UGGT2: variants seen among roughly 807,000 people sequenced by gnomAD.
UGGT2 encodes the protein UDP-glucose:glycoprotein glucosyltransferase 2.
In UGGT2, 180 loss-of-function variants were observed where a neutral mutation model predicts 192.1. The ratio of observed to expected loss-of-function variants is 0.94; its 90% CI spans 0.83 to 1.06. UGGT2 has a LOEUF of 1.06. Ranked by LOEUF, UGGT2 falls within the 50% of genes least tolerant of loss-of-function variation. The probability of loss-of-function intolerance (pLI) is 0.00; values close to 1 mark genes in which losing one functional copy is unlikely to be tolerated. For missense variants in UGGT2, 1,849 were observed against 1,795.7 expected, an observed-to-expected ratio of 1.03 and a Z score of -0.54; for synonymous variants, 580 against 591.0, an observed-to-expected ratio of 0.98 and a Z score of 0.27.
intron 7 of UGGT2, among the ~76,000 whole-genome samples, chr13:95,994,103 T>C (rs1363344239): frequency 3.3e-5 from 5 of 152,138 alleles, no homozygotes; most frequent in African/African-American, 1.2e-4. Context: ...AAAGGTCCAA[T>C]ATTATCAATG....
chr13:95,859,476 T>C (rs895333559), intron 33 of UGGT2, 115 bp downstream of exon 33: 45 of 843,428 alleles, frequency 5.3e-5, no homozygotes, highest in Non-Finnish European at 7.3e-5. Context: ...AAATACTAAA[T>C]ACCATTTTTT....
intron 1 of UGGT2, among the ~76,000 whole-genome samples, chr13:96,052,291 A>G (rs2053507936): frequency 6.6e-6 from 1 of 152,184 alleles, no homozygotes; most frequent in African/African-American, 2.4e-5. Flanking sequence ...CATAAGATTG[A>G]CACAATGGAC....
At chr13:95,992,163 C>A (rs900153332) in intron 7 of UGGT2, among the ~76,000 whole-genome samples, 1 of 151,680 alleles carries the variant, frequency 6.6e-6, no homozygotes, top group Non-Finnish European at 1.5e-5. Context: ...AGCTAGACTC[C>A]GTCTCAAAGA....
intron 4 of UGGT2, among the ~76,000 whole-genome samples, chr13:96,016,129 A>G (rs1366497068): frequency 2.0e-5 from 3 of 152,216 alleles, no homozygotes; most frequent in Non-Finnish European, 4.4e-5. Flanking sequence ...CTAACAACAT[A>G]TGTTCAGATG....
At chr13:95,907,371 A>G (rs2048326348) in intron 20 of UGGT2, among the ~76,000 whole-genome samples, 1 of 152,222 alleles carries the variant, frequency 6.6e-6, no homozygotes, top group Non-Finnish European at 1.5e-5. Flanking sequence ...TGCAGACTTA[A>G]ACGTCCTTGT....
chr13:95,971,469 T>A lies in UGGT2; in HGVS notation c.1184+1111A>T, dbSNP rs539008093. 2.0e-5 allele frequency among the ~76,000 whole-genome samples: 3 copies of A among 152,302 alleles called. No homozygotes were observed. The East Asian group carries it at 5.8e-4, about 29-fold the overall frequency. On this transcript the variant is annotated intron_variant, in intron 11 of 38. Coordinates refer to ENST00000376747, the MANE Select transcript of UGGT2 (RefSeq NM_020121.4). Reference sequence around the variant, plus strand: ...TAGCACACATCCTGCAAATCACTAATGACCAGGTGTAGGAGCTGGGGGGTT... The same window carrying A: ...TAGCACACATCCTGCAAATCACTAAAGACCAGGTGTAGGAGCTGGGGGGTT...
At chr13:95,836,804 G>T (rs1320720552) in intron 37 of UGGT2, among the ~76,000 whole-genome samples, 2 of 149,860 alleles carry the variant, frequency 1.3e-5, no homozygotes, top group African/African-American at 4.9e-5. Context: ...TTTTCCCTTT[G>T]CTGACTTTGC....
chr13:96,022,143 T>C (rs961131478), intron 4 of UGGT2, among the ~76,000 whole-genome samples: 1 of 151,948 alleles, frequency 6.6e-6, no homozygotes, highest in Non-Finnish European at 1.5e-5. Flanking sequence ...CAAAGAGCTA[T>C]GAAATAGACC....
chr13:95,802,303 C>G (rs1884097931), intron 38 of UGGT2, among the ~76,000 whole-genome samples: 2 of 152,316 alleles, frequency 1.3e-5, no homozygotes, highest in South Asian at 4.1e-4. Context: ...ATGAGACTCT[C>G]AGAGAACAAA....
intron 22 of UGGT2, among the ~76,000 whole-genome samples, chr13:95,897,699 T>C (rs2047986048): frequency 6.6e-6 from 1 of 152,212 alleles, no homozygotes; most frequent in Admixed American, 6.5e-5. Context: ...AAGCTAAGTA[T>C]TACATTATCG....
chr13:96,011,861 CAATA>C (rs1352436776), intron 5 of UGGT2, among the ~76,000 whole-genome samples: 2 of 151,944 alleles, frequency 1.3e-5, no homozygotes, highest in African/African-American at 4.8e-5. Flanking sequence ...AGGCAAAGCT[CAATA>C]TATATGAAGA....
intron 36 of UGGT2, among the ~76,000 whole-genome samples, chr13:95,845,823 G>A: frequency 6.6e-6 from 1 of 151,626 alleles, no homozygotes; most frequent in East Asian, 2.0e-4. Flanking sequence ...CAGACGGGGT[G>A]GCGGGGTGGC....
At chr13:95,965,248 C>A (rs61972935) in intron 12 of UGGT2, among the ~76,000 whole-genome samples, 1 of 150,456 alleles carries the variant, frequency 6.6e-6, no homozygotes, top group Non-Finnish European at 1.5e-5. Context: ...TGGGTATATA[C>A]CCAAAGGACT....
chr13:96,044,838 A>T (rs145905828), intron 1 of UGGT2, among the ~76,000 whole-genome samples: 3 of 152,294 alleles, frequency 2.0e-5, no homozygotes, highest in African/African-American at 7.2e-5. Context: ...GTAAGCAGCG[A>T]GATTAAAATT....
intron 34 of UGGT2, 141 bp from the exon 35 acceptor site, chr13:95,854,616 T>C (rs570979716): frequency 2.4e-4 from 158 of 663,668 alleles, no homozygotes; most frequent in Non-Finnish European, 3.4e-4. Flanking sequence ...GTAATATGAA[T>C]TTACTGAATT....
intron 8 of UGGT2, chr13:95,989,634 T>C (rs1328847209): frequency 5.8e-6 from 2 of 346,700 alleles, no homozygotes; most frequent in Admixed American, 6.4e-5. Flanking sequence ...AGATTAAGTT[T>C]CATTTTCTCC....
chr13:95,947,142 A>G lies in UGGT2; in HGVS notation c.1572T>C (p.Asp524=). ...RIGFVFILNT[D]DEVDGANDAG... is the part of the protein sequence containing the mutation. ...CATCATTTGCTCCATCAACTTCATC[A>G]TCTGTATTAAGAATGAACACAAAAC... is the stretch of plus-strand genomic sequence containing the variant. Residue 524 remains aspartate, a synonymous_variant, in exon 15 of 39, where the codon GAT becomes GAC. Coordinates refer to ENST00000376747, the MANE Select transcript of UGGT2 (RefSeq NM_020121.4). 1 of 1,610,532 alleles carries G rather than the reference A, an allele frequency of 6.2e-7. No individual in the cohort carries two copies. The highest frequency in any genetic ancestry group is 1.1e-5 in the South Asian group (1 of 90,074).
At chr13:95,941,344 C>T (rs1278766613) in intron 15 of UGGT2, among the ~76,000 whole-genome samples, 2 of 152,162 alleles carry the variant, frequency 1.3e-5, no homozygotes, top group African/African-American at 2.4e-5. Context: ...CTTTGCTCTC[C>T]CTTTATCACT....
At chr13:95,964,934 A>C (rs1190799681) in intron 12 of UGGT2, among the ~76,000 whole-genome samples, 2 of 152,238 alleles carry the variant, frequency 1.3e-5, no homozygotes, top group African/African-American at 2.4e-5. Context: ...GGTGAAGGAC[A>C]TGAACAGATG....
Sources: allele counts gnomAD v4.1 joint callset (sites outside exome capture counted in the v4.1 genomes callset), GRCh38; gene constraint gnomAD v4.1.1; transcripts MANE v1.5; gene names NCBI Gene and HGNC (gene_info 2026-07-23, HGNC 2026-07-21).